The following THRA variants were observed in gnomAD, a reference collection of about 807,000 sequenced individuals.
The protein encoded by THRA is thyroid hormone receptor alpha, also known as EAR-7.
THRA carries 13 observed loss-of-function variants against 45.0 expected under a neutral mutation model. That is an observed-to-expected ratio of 0.29 (90% confidence interval 0.19 to 0.46). The LOEUF is 0.46. Among genes scored for constraint, THRA ranks in the 20% least tolerant of loss-of-function variants. The pLI is 1.00. For synonymous variants in THRA, 195 were observed against 214.0 expected, an observed-to-expected ratio of 0.91 and a Z score of 0.78; for missense variants, 278 against 556.1, an observed-to-expected ratio of 0.50 and a Z score of 5.03.
chr17:40,073,555 A>T (rs1986850124), intron 1 of THRA, among the ~76,000 whole-genome samples: 1 of 152,126 alleles, frequency 6.6e-6, no homozygotes. Flanking sequence ...AGCTAAACCA[A>T]CTGAGAAGTC....
intron 4 of THRA, among the ~76,000 whole-genome samples, chr17:40,082,542 A>G (rs1260234225): frequency 6.7e-6 from 1 of 150,032 alleles, no homozygotes; most frequent in African/African-American, 2.5e-5. Context: ...TTATATTTTT[A>G]GTAGAGATGG....
chr17:40,084,123 T>G, intron 5 of THRA, 141 bp downstream of exon 5: 1 of 1,041,566 alleles, frequency 9.6e-7, no homozygotes, highest in Non-Finnish European at 1.3e-6. Flanking sequence ...TTCAGTGTCT[T>G]GGTCCTTGCT....
chr17:40,070,225 C>T (rs1388423321), intron 1 of THRA, among the ~76,000 whole-genome samples: 1 of 152,088 alleles, frequency 6.6e-6, no homozygotes, highest in African/African-American at 2.4e-5. Flanking sequence ...CTCCCCCATG[C>T]CTGCCAGGCT....
chr17:40,086,901 C>T (rs752622955), intron 7 of THRA, 48 bp downstream of exon 7: 1 of 1,607,774 alleles, frequency 6.2e-7, no homozygotes, highest in East Asian at 2.2e-5. Context: ...TGGAGGGAAA[C>T]CTGCTCCCCC....
intron 6 of THRA, among the ~76,000 whole-genome samples, chr17:40,085,816 T>C (rs1367941055): frequency 3.9e-5 from 6 of 152,166 alleles, no homozygotes; most frequent in Non-Finnish European, 8.8e-5. Flanking sequence ...GCTAATTTTG[T>C]ATTTTTAGTA....
chr17:40,075,919 A>T (rs577145577), intron 2 of THRA, among the ~76,000 whole-genome samples: 1 of 152,344 alleles, frequency 6.6e-6, no homozygotes, highest in East Asian at 1.9e-4. Flanking sequence ...GGCCAAGGTC[A>T]CTGTGTCAGT....
intron 7 of THRA, among the ~76,000 whole-genome samples, chr17:40,087,206 GACAC>G (rs142111613): frequency 3.2e-4 from 33 of 102,356 alleles, no homozygotes; most frequent in South Asian, 3.0e-4. Context: ...CCAGCACACA[GACAC>G]ACACACACAC....
In THRA at chr17:40,074,189, C is replaced by G; in HGVS notation, c.-297-3C>G. 1 of 415,840 alleles carries G rather than the reference C, an allele frequency of 2.4e-6. No homozygotes were observed. The highest frequency in any genetic ancestry group is 2.5e-5 in the South Asian group (1 of 40,440). 25.8% of individuals were successfully genotyped at this position (415,840 alleles called of 1,614,324 possible). On this transcript the variant is annotated splice_polypyrimidine_tract_variant and splice_region_variant and intron_variant, in intron 1 of 8. Transcript: ENST00000450525. Reference sequence around the variant, plus strand: ...TACCCCTGCCTCTCTCTTCTCTCCACAGGGATCTCTGGACAGGACAAGACT... The same window carrying G: ...TACCCCTGCCTCTCTCTTCTCTCCAGAGGGATCTCTGGACAGGACAAGACT...
intron 4 of THRA, among the ~76,000 whole-genome samples, chr17:40,079,017 A>C (rs888566900): frequency 6.6e-6 from 1 of 152,118 alleles, no homozygotes; most frequent in Non-Finnish European, 1.5e-5. Flanking sequence ...GGTGTGAGCC[A>C]CTGCGCCCAG....
chr17:40,064,662 T>C (rs2145036394), intron 1 of THRA, among the ~76,000 whole-genome samples: 1 of 152,348 alleles, frequency 6.6e-6, no homozygotes, highest in East Asian at 1.9e-4. Context: ...GTTCTTGGTC[T>C]CTATCGCTTG....
chr17:40,073,153 C>T (rs554383104), intron 1 of THRA, among the ~76,000 whole-genome samples: 6 of 152,304 alleles, frequency 3.9e-5, no homozygotes, highest in African/African-American at 9.6e-5. Context: ...GCAGCAGCCA[C>T]GTGACAGAGG....
At chr17:40,066,687 AAAAC>A (rs1319358670) in intron 1 of THRA, among the ~76,000 whole-genome samples, 6 of 74,188 alleles carry the variant, frequency 8.1e-5, no homozygotes, top group Admixed American at 1.8e-4. Flanking sequence ...AAAAAAAAGA[AAAAC>A]AAAAAAGAAC....
At chr17:40,087,027 G>C (rs1233789943) in intron 7 of THRA, 174 bp downstream of exon 7, 4 of 751,034 alleles carry the variant, frequency 5.3e-6, no homozygotes, top group Non-Finnish European at 8.3e-6. Context: ...CATACACCCA[G>C]CACACAGGCA....
At chr17:40,080,968 C>T (rs1490244055) in intron 4 of THRA, among the ~76,000 whole-genome samples, 1 of 152,030 alleles carries the variant, frequency 6.6e-6, no homozygotes, top group East Asian at 1.9e-4. Flanking sequence ...GTGATCCACC[C>T]ACCTCAGCCT....
chr17:40,065,046 G>GT (rs112292718), intron 1 of THRA, among the ~76,000 whole-genome samples: 4,560 of 149,308 alleles, frequency 0.031, 240 homozygotes, highest in African/African-American at 0.1. Context: ...GGAATGGGCT[G>GT]TTTTTTTTTT....
At chr17:40,072,993 C>T (rs987139711) in intron 1 of THRA, among the ~76,000 whole-genome samples, 7 of 152,350 alleles carry the variant, frequency 4.6e-5, no homozygotes, top group Non-Finnish European at 8.8e-5. Context: ...TGCCCATGCT[C>T]TCCACACTAC....
At chr17:40,084,151 A>G (rs1200832506) in intron 5 of THRA, among the ~76,000 whole-genome samples, 169 bp downstream of exon 5, 1 of 152,108 alleles carries the variant, frequency 6.6e-6, no homozygotes, top group East Asian at 1.9e-4. Flanking sequence ...TTCCTGCGCA[A>G]AAGGAAACAG....
At chr17:40,087,103 TACACACACACATACACCCAGCACACAGAC>T in intron 7 of THRA, 1 of 439,902 alleles carries the variant, frequency 2.3e-6, no homozygotes, top group East Asian at 4.2e-5. Context: ...CAGACACACA[TACACACACACATACACCCAGCACACAGAC>T]ACACACACAC....
Position 40,084,623 on chromosome 17 carries a change from C to T in THRA, c.384C>T (p.Asp128=). ...VGMAMDLVLD[D]SKRVAKRKLI... is the part of the protein sequence containing the mutation. The stretch of plus-strand genomic sequence containing the variant: ...CTCTGTTCACAGTGGTTCTAGATGA[C>T]TCGAAGCGGGTGGCCAAGCGTAAGC... Residue 128 remains aspartate, a synonymous_variant, in exon 6 of 9, where the codon GAC becomes GAT. Coordinates refer to ENST00000450525, the MANE Select transcript of THRA (RefSeq NM_199334.5). 1.2e-6 allele frequency: 2 copies of T among 1,614,084 alleles called. No individual in the cohort carries two copies. The highest frequency in any genetic ancestry group is 8.5e-7 in the Non-Finnish European group (1 of 1,179,998).
Sources: gnomAD v4.1 joint callset for allele counts (sites outside exome capture counted in the v4.1 genomes callset) on GRCh38, gnomAD v4.1.1 for gene constraint, MANE v1.5 for transcripts, NCBI Gene and HGNC (gene_info 2026-07-23, HGNC 2026-07-21) for gene names.